Variants in TTC28 observed in about 807,000 individuals in gnomAD.
The protein encoded by TTC28 is tetratricopeptide repeat domain 28.
TTC28 carries 61 observed loss-of-function variants against 198.0 expected under a neutral mutation model. The ratio of observed to expected loss-of-function variants is 0.31; its 90% confidence interval spans 0.25 to 0.38. The LOEUF is 0.38. Ranked by LOEUF, TTC28 falls within the 10% of genes least tolerant of loss-of-function variation. TTC28 has a pLI of 1.00. For synonymous variants in TTC28, 1,171 were observed against 1,297.8 expected (o/e 0.90, Z 2.10); for missense variants, 2,678 against 3,164.0 (o/e 0.85, Z 3.69).
intron 3 of TTC28, among the ~76,000 whole-genome samples, chr22:28,302,216 G>A (rs2145796213): frequency 6.6e-6 from 1 of 152,230 alleles, no homozygotes; most frequent in South Asian, 2.1e-4. Context: ...AGAAACCATA[G>A]TGTTTTCTAG....
chr22:28,105,947 C>A, intron 7 of TTC28, 145 bp from the exon 8 acceptor site: 1 of 1,062,754 alleles, frequency 9.4e-7, no homozygotes, highest in Non-Finnish European at 1.3e-6. Context: ...CTATCATGTG[C>A]CCTTAGAGTG....
At chr22:28,422,407 G>A (rs2047270425) in intron 2 of TTC28, among the ~76,000 whole-genome samples, 1 of 151,708 alleles carries the variant, frequency 6.6e-6, no homozygotes, top group South Asian at 2.1e-4. Context: ...ATTCTACACA[G>A]TCTTCACGTC....
At chr22:28,596,014 G>A (rs1000579375) in intron 2 of TTC28, among the ~76,000 whole-genome samples, 22 of 152,154 alleles carry the variant, frequency 1.4e-4, no homozygotes, top group Non-Finnish European at 2.5e-4. Context: ...CATGGAGCCT[G>A]CATTCTACAA....
At chr22:28,172,419 G>A (rs575968561) in intron 5 of TTC28, among the ~76,000 whole-genome samples, 2 of 152,278 alleles carry the variant, frequency 1.3e-5, no homozygotes, top group Admixed American at 1.3e-4. Flanking sequence ...CACTGCATAG[G>A]ATGGATTTAT....
intron 5 of TTC28, among the ~76,000 whole-genome samples, chr22:28,216,071 A>G (rs1347647930): frequency 9.9e-5 from 15 of 152,188 alleles, no homozygotes; most frequent in Admixed American, 9.8e-4. Flanking sequence ...ACAATTGCCT[A>G]AATTCTGAGA....
At chr22:28,409,125 G>A (rs184200766) in intron 2 of TTC28, among the ~76,000 whole-genome samples, 1 of 152,210 alleles carries the variant, frequency 6.6e-6, no homozygotes, top group East Asian at 1.9e-4. Context: ...TTCCTGCTGT[G>A]AAAAATTAGT....
intron 3 of TTC28, among the ~76,000 whole-genome samples, chr22:28,302,470 TAC>T (rs904680503): frequency 6.6e-6 from 1 of 152,172 alleles, no homozygotes; most frequent in Non-Finnish European, 1.5e-5. Context: ...AAAGGCATCC[TAC>T]AGAGGCCTGC....
In TTC28 at chr22:27,997,659, CTTTGCTCTAGATT is replaced by C. The variant is rs1914434011; in HGVS notation, c.5119+868_5119+880del. The C allele has an allele frequency of 3.9e-5, 6 of 152,368 alleles. No homozygotes were observed. In the South Asian group the frequency reaches 1.2e-3, roughly 32 times the overall value. 9.4% of individuals were successfully genotyped at this position (152,368 alleles called of 1,614,324 possible). A position where few individuals can be genotyped will look rare whatever the true frequency, so the allele number is the denominator to read the frequency against. On this transcript the variant is annotated intron_variant, in intron 16 of 22. Coordinates refer to ENST00000397906, the MANE Select transcript of TTC28 (RefSeq NM_001145418.2). ...ATGTTACCCATGGGTGGGACTTTTG[CTTTGCTCTAGATT>C]TTTGTAACACCCTGGGGAGTTTCAG...
intron 5 of TTC28, among the ~76,000 whole-genome samples, chr22:28,191,356 G>A (rs1446492248): frequency 1.3e-5 from 2 of 152,242 alleles, no homozygotes; most frequent in East Asian, 3.9e-4. Flanking sequence ...ACAGCTCCCA[G>A]GGTGAGCAAC....
At chr22:28,107,015 C>T in intron 7 of TTC28, 47 bp downstream of exon 7, 2 of 1,494,516 alleles carry the variant, frequency 1.3e-6, no homozygotes, top group Non-Finnish European at 1.8e-6. Context: ...GCCACAAATG[C>T]TCTTTTTGCA....
intron 12 of TTC28, among the ~76,000 whole-genome samples, chr22:28,043,430 T>G (rs1034659124): frequency 6.6e-6 from 1 of 151,946 alleles, no homozygotes; most frequent in African/African-American, 2.4e-5. Context: ...ATGTAACTTC[T>G]GTGGCTAGTT....
chr22:28,633,292 AG>A (rs1473322281), intron 1 of TTC28, among the ~76,000 whole-genome samples: 1 of 150,506 alleles, frequency 6.6e-6, no homozygotes, highest in East Asian at 1.9e-4. Flanking sequence ...AAAAAAAAAA[AG>A]AAAAAGAAAA....
At chr22:28,593,163 T>C (rs926724276) in intron 2 of TTC28, among the ~76,000 whole-genome samples, 2 of 152,150 alleles carry the variant, frequency 1.3e-5, no homozygotes, top group Admixed American at 6.5e-5. Flanking sequence ...TGCTTCATAA[T>C]TGCAGCAGTT....
chr22:28,264,397 T>C (rs559801173), intron 5 of TTC28, among the ~76,000 whole-genome samples: 34 of 152,256 alleles, frequency 2.2e-4, no homozygotes, highest in Admixed American at 1.9e-3. Context: ...CGAGTATTTC[T>C]TCATAGCAGT....
intron 5 of TTC28, among the ~76,000 whole-genome samples, chr22:28,171,885 G>C (rs527679530): frequency 6.6e-6 from 1 of 152,248 alleles, no homozygotes; most frequent in Admixed American, 6.5e-5. Flanking sequence ...CCTACTTTGT[G>C]AGCCTCTTTG....
intron 5 of TTC28, among the ~76,000 whole-genome samples, chr22:28,191,810 G>T (rs1200275472): frequency 6.6e-6 from 1 of 152,182 alleles, no homozygotes; most frequent in Non-Finnish European, 1.5e-5. Flanking sequence ...ACTGGGTGGA[G>T]CCCACTGCAG....
At chr22:28,165,026 T>C (rs1475809707) in intron 5 of TTC28, among the ~76,000 whole-genome samples, 1 of 152,116 alleles carries the variant, frequency 6.6e-6, no homozygotes, top group Non-Finnish European at 1.5e-5. Flanking sequence ...AACTACGTGA[T>C]GAATGCACAA....
chr22:28,041,993 T>TG (rs2146675824), intron 12 of TTC28, among the ~76,000 whole-genome samples: 1 of 152,278 alleles, frequency 6.6e-6, no homozygotes, highest in African/African-American at 2.4e-5. Context: ...TCATCATCAC[T>TG]GGTCATTAGA....
At chr22:28,371,882 A>C (rs1335796994) in intron 2 of TTC28, among the ~76,000 whole-genome samples, 1 of 176 alleles carries the variant, frequency 5.7e-3, no homozygotes, top group African/African-American at 0.028. Context: ...ACCCAGCCCC[A>C]AAAAAAAAAA....
Sources: allele counts gnomAD v4.1 joint callset (sites outside exome capture counted in the v4.1 genomes callset), GRCh38; gene constraint gnomAD v4.1.1; transcripts MANE v1.5; gene names NCBI Gene and HGNC (gene_info 2026-07-23, HGNC 2026-07-21).